DLGAP1: variants seen among roughly 807,000 people sequenced by gnomAD.
The protein encoded by DLGAP1 is DLG associated protein 1, also known as disks large-associated protein 1.
A neutral mutation model predicts 90.8 loss-of-function variants in DLGAP1; 11 were observed. That is an observed-to-expected ratio of 0.12 (90% CI 0.08 to 0.20). The LOEUF is 0.20. Among genes scored for constraint, DLGAP1 ranks in the 10% least tolerant of loss-of-function variants. The pLI, the probability that DLGAP1 is intolerant of heterozygous loss-of-function variation, is 1.00. For missense variants in DLGAP1, 1,050 were observed against 1,333.8 expected (o/e 0.79, Z 3.31); for synonymous variants, 558 against 540.7 (o/e 1.03, Z -0.44).
chr18:3,851,110 CTG>C (rs2069313298), intron 4 of DLGAP1, among the ~76,000 whole-genome samples: 1 of 152,108 alleles, frequency 6.6e-6, no homozygotes, highest in African/African-American at 2.4e-5. Context: ...AGTCTTAATA[CTG>C]TGGTAGGTAA....
chr18:3,565,088 C>G lies in DLGAP1; in HGVS notation c.2057+2402G>C, dbSNP rs2054351379. On this transcript the variant is annotated intron_variant, in intron 9 of 12. Coordinates refer to ENST00000315677, the MANE Select transcript of DLGAP1 (RefSeq NM_004746.4). This position sits in a 1 kb window ranked among gnomAD's most constrained non-coding sequence, Gnocchi z 4.0. ...TGGTGTTCTGGCTCAAGAGTCTGTG[C>G]TGTCAACCACTACATCGTTGAGAAA... is the stretch of plus-strand genomic sequence containing the variant. 6.6e-6 allele frequency among the ~76,000 whole-genome samples: 1 copy of G among 152,154 alleles called. No homozygotes were observed. The highest frequency in any genetic ancestry group is 6.6e-5 in the Admixed American group (1 of 15,260).
At chr18:4,118,506 C>T (rs1201540323) in intron 2 of DLGAP1, among the ~76,000 whole-genome samples, 3 of 152,112 alleles carry the variant, frequency 2.0e-5, no homozygotes, top group African/African-American at 4.8e-5. Flanking sequence ...TTCAGTCCTA[C>T]GAATAGAAGT....
intron 1 of DLGAP1, among the ~76,000 whole-genome samples, chr18:4,261,545 G>T (rs2079003001): frequency 6.6e-6 from 1 of 152,028 alleles, no homozygotes; most frequent in Non-Finnish European, 1.5e-5. Flanking sequence ...ATCTACTCTA[G>T]AAAACATTTT....
chr18:3,638,084 GT>G, intron 7 of DLGAP1, among the ~76,000 whole-genome samples: 1 of 151,130 alleles, frequency 6.6e-6, no homozygotes, highest in South Asian at 2.1e-4. Context: ...GTAGCTGGGA[GT>G]ACAGGCGCCC....
At chr18:4,312,164 T>G (rs752444470) in intron 1 of DLGAP1, among the ~76,000 whole-genome samples, 2 of 152,172 alleles carry the variant, frequency 1.3e-5, no homozygotes, top group Non-Finnish European at 2.9e-5. Flanking sequence ...TGCCAATAAT[T>G]TCATCAAAAA....
chr18:3,677,338 C>G (rs927898682), intron 7 of DLGAP1, among the ~76,000 whole-genome samples: 2 of 152,218 alleles, frequency 1.3e-5, no homozygotes, highest in Non-Finnish European at 2.9e-5. Flanking sequence ...TCCATTTTGC[C>G]CCAGTGAATC....
intron 1 of DLGAP1, among the ~76,000 whole-genome samples, chr18:4,442,192 G>A (rs2658248): frequency 0.66 from 99,989 of 151,878 alleles, 33,302 homozygotes; most frequent in East Asian, 0.74. Flanking sequence ...TAGAAAGAGG[G>A]TTTCACCATA....
At position 3,549,870 on chromosome 18, in the gene DLGAP1, T is replaced by C. The variant is rs530587997; in HGVS notation, c.2058-15255A>G. 2.6e-5 allele frequency among the ~76,000 whole-genome samples: 4 copies of C among 152,268 alleles called. 1 individual carries two copies. Among genetic ancestry groups the C allele is most frequent in the African/African-American group, 9.6e-5 (4 of 41,574 alleles). On this transcript the variant is annotated intron_variant, in intron 9 of 12. Transcript: ENST00000315677. Reference sequence around the variant, plus strand: ...CACCTAGTATCTTAGTATGTGACTGTATTTGGAGATAGGACCTTTATTTAA... The same window carrying C: ...CACCTAGTATCTTAGTATGTGACTGCATTTGGAGATAGGACCTTTATTTAA...
chr18:4,055,021 T>C (rs961318415), intron 2 of DLGAP1, among the ~76,000 whole-genome samples: 2 of 152,196 alleles, frequency 1.3e-5, no homozygotes, highest in Non-Finnish European at 2.9e-5. Context: ...AGAAAGTTGA[T>C]GGTATGTTTT....
At chr18:4,040,974 G>A (rs115148591) in intron 2 of DLGAP1, among the ~76,000 whole-genome samples, 1,686 of 152,234 alleles carry the variant, frequency 0.011, 35 homozygotes, top group African/African-American at 0.039. Context: ...CCCTAGGGAG[G>A]AAATCTAGCA....
intron 7 of DLGAP1, among the ~76,000 whole-genome samples, chr18:3,611,810 A>T (rs1037282061): frequency 2.6e-5 from 4 of 152,236 alleles, no homozygotes; most frequent in Non-Finnish European, 4.4e-5. Context: ...TTGCCTCCAT[A>T]GTCAGCACTA....
chr18:4,014,998 A>G (rs978777799), intron 2 of DLGAP1, among the ~76,000 whole-genome samples: 6 of 152,210 alleles, frequency 3.9e-5, no homozygotes, highest in Non-Finnish European at 8.8e-5. Flanking sequence ...CACTGGGCCC[A>G]GACTCTTGCG....
chr18:3,898,004 C>T (rs529145969), intron 3 of DLGAP1, among the ~76,000 whole-genome samples: 99 of 152,066 alleles, frequency 6.5e-4, no homozygotes, highest in Admixed American at 1.3e-3. Context: ...CCTTGTTAGC[C>T]AGGATGGTCT....
intron 3 of DLGAP1, chr18:3,977,906 AT>A (rs1478129645): frequency 2.5e-5 from 9 of 366,860 alleles, no homozygotes; most frequent in Non-Finnish European, 3.7e-5. Flanking sequence ...GGTCAGGTCC[AT>A]GACCAACACG....
intron 7 of DLGAP1, among the ~76,000 whole-genome samples, chr18:3,656,652 G>C (rs973942847): frequency 9.9e-5 from 15 of 152,190 alleles, no homozygotes; most frequent in African/African-American, 3.6e-4. Flanking sequence ...TCAAGTCAGA[G>C]AGTGAACGGG....
chr18:4,194,387 C>T (rs61294385), intron 1 of DLGAP1, among the ~76,000 whole-genome samples: 8,669 of 152,224 alleles, frequency 0.057, 594 homozygotes, highest in East Asian at 0.2. Context: ...TTAAGATACA[C>T]ATTTATTGTC....
intron 1 of DLGAP1, among the ~76,000 whole-genome samples, chr18:4,287,405 CAT>C (rs1412743481): frequency 1.3e-5 from 2 of 152,168 alleles, no homozygotes; most frequent in Non-Finnish European, 2.9e-5. Context: ...CACATTCACA[CAT>C]ATGTTTATTG....
At chr18:3,923,111 G>A (rs2072302387) in intron 3 of DLGAP1, among the ~76,000 whole-genome samples, 1 of 131,918 alleles carries the variant, frequency 7.6e-6, no homozygotes, top group Non-Finnish European at 1.6e-5. Flanking sequence ...TCCAGCCTGG[G>A]CGACAGAGAG....
At chr18:3,646,660 C>T (rs985728308) in intron 7 of DLGAP1, among the ~76,000 whole-genome samples, 3 of 152,214 alleles carry the variant, frequency 2.0e-5, no homozygotes, top group Non-Finnish European at 1.5e-5. Context: ...CACGGTGGCT[C>T]ATGCCTGTAA....
Sources: allele counts gnomAD v4.1 joint callset (sites outside exome capture counted in the v4.1 genomes callset), GRCh38; gene constraint gnomAD v4.1.1; non-coding constraint Gnocchi (gnomAD v3.1); transcripts MANE v1.5; gene names NCBI Gene and HGNC (gene_info 2026-07-23, HGNC 2026-07-21).